The following IGSF8 variants were observed in gnomAD, a reference collection of about 807,000 sequenced individuals.
IGSF8 encodes immunoglobulin superfamily member 8.
IGSF8 carries 46 observed loss-of-function variants against 55.5 expected under a neutral mutation model. The ratio of observed to expected loss-of-function variants is 0.83; its 90% CI spans 0.65 to 1.06. IGSF8 has a LOEUF of 1.06. IGSF8 is among the 50% of genes least tolerant of loss of function. The pLI, the probability that IGSF8 is intolerant of heterozygous loss-of-function variation, is 0.00. For missense variants in IGSF8, 731 were observed against 832.3 expected (o/e 0.88, Z 1.50); for synonymous variants, 314 against 356.1 (o/e 0.88, Z 1.33).
intron 1 of IGSF8, among the ~76,000 whole-genome samples, chr1:160,097,485 G>A (rs1405576254): frequency 6.6e-6 from 1 of 152,116 alleles, no homozygotes; most frequent in Non-Finnish European, 1.5e-5. Flanking sequence ...CTGCCTTGAC[G>A]ACAGCAGCTC....
At chr1:160,092,011 C>T in intron 5 of IGSF8, 73 bp from the exon 6 acceptor site, 1 of 1,103,614 alleles carries the variant, frequency 9.1e-7, no homozygotes, top group East Asian at 2.4e-5. Context: ...CTGCGCTTTC[C>T]CCATCAAGTT....
In IGSF8 at chr1:160,098,492, G is replaced by A; in HGVS notation, c.-20C>T. 6.5e-7 allele frequency: 1 copy of A among 1,527,052 alleles called. No homozygotes were observed. Among genetic ancestry groups the A allele is most frequent in the South Asian group, 1.2e-5 (1 of 83,190 alleles). The allele number at this position is 1,527,052 out of a possible 1,614,324, so 94.6% of individuals were successfully genotyped here. A position where few individuals can be genotyped will look rare whatever the true frequency, so the allele number is the denominator to read the frequency against. On this transcript the variant is annotated 5_prime_UTR_variant, in exon 1 of 7. Coordinates refer to ENST00000314485, the MANE Select transcript of IGSF8 (RefSeq NM_052868.6). Reference sequence around the variant, plus strand: ...GCCCATCCTGCGCGGCCAGCTCTGGGGAGGCTCCGGGGGATGGCGCGGGTT... The same window carrying A: ...GCCCATCCTGCGCGGCCAGCTCTGGAGAGGCTCCGGGGGATGGCGCGGGTT...
chr1:160,092,460 AG>A lies in IGSF8; in HGVS notation c.1547del (p.Pro516LeufsTer4). 1 of 1,613,062 alleles carries A rather than the reference AG, an allele frequency of 6.2e-7. No homozygotes were observed. The highest frequency in any genetic ancestry group is 8.5e-7 in the Non-Finnish European group (1 of 1,179,474). ...AELGVRPGGG[P>X]VSVELVGPRS... ...GGGGCCCCACCAGCTCTACGCTGACAGGGCCTCCTCCAGGCCGGACTCCCAG... is the reference window on the plus strand; with the variant it reads ...GGGGCCCCACCAGCTCTACGCTGACAGGCCTCCTCCAGGCCGGACTCCCAG... On this transcript the variant is annotated frameshift_variant, in exon 5 of 7. Coordinates refer to ENST00000314485, the MANE Select transcript of IGSF8 (RefSeq NM_052868.6). LOFTEE classifies it high-confidence loss of function.
chr1:160,092,993 A>G lies in IGSF8; in HGVS notation c.1243T>C (p.Ser415Pro), dbSNP rs1316417782. ...GCTGCTTCACGAAGCCGGGTCCCAG[A>G]CCCTCGAACATAGGCTTTGGCGAGG... ...RCLAKAYVRG[S>P]GTRLREAASA... Residue 415 changes from serine (S) to proline (P), a missense_variant, in exon 4 of 7, where the codon TCT becomes CCT. By Grantham distance (74) the Ser-to-Pro change is moderately conservative (BLOSUM62 -1). Transcript: ENST00000314485. 4.0e-5 allele frequency: 64 copies of G among 1,613,624 alleles called. No homozygotes were observed. The highest frequency in any genetic ancestry group is 5.0e-5 in the Non-Finnish European group (59 of 1,179,700).
intron 1 of IGSF8, among the ~76,000 whole-genome samples, chr1:160,095,960 G>C (rs1352950477): frequency 6.6e-6 from 1 of 152,228 alleles, no homozygotes; most frequent in African/African-American, 2.4e-5. Flanking sequence ...TTCCGGGCTA[G>C]CCCAGCAGAT....
chr1:160,091,757 TG>T (rs1369305571), intron 6 of IGSF8, 50 bp downstream of exon 6: 2 of 1,174,886 alleles, frequency 1.7e-6, no homozygotes, highest in Non-Finnish European at 2.6e-6. Flanking sequence ...GTTCAGGACT[TG>T]GGGGTGGGAA....
At position 160,094,096 on chromosome 1, in the gene IGSF8, C is replaced by A. The variant is rs375434609; in HGVS notation, c.518G>T (p.Arg173Leu). ...RGRQAPTSPP[R>L]MTVHEGQELA... ...CTCCTGCCCCTCATGCACCGTCATG[C>A]GTGGGGGTGAGGTTGGGGCCTGGCG... Residue 173 changes from arginine (R) to leucine (L), a missense_variant, in exon 3 of 7, where the codon CGC becomes CTC. Coordinates refer to ENST00000314485, the MANE Select transcript of IGSF8 (RefSeq NM_052868.6). This position sits in a 1 kb window ranked among gnomAD's most constrained non-coding sequence, Gnocchi z 4.0. The A allele has an allele frequency of 1.8e-5, 29 of 1,611,784 alleles. No homozygotes were observed. The highest frequency in any genetic ancestry group is 2.3e-5 in the Non-Finnish European group (27 of 1,179,992).
chr1:160,092,890 C>T lies in IGSF8; in HGVS notation c.1312+34G>A, dbSNP rs762342608. On this transcript the variant is annotated intron_variant, in intron 4 of 6. Transcript: ENST00000314485. The stretch of plus-strand genomic sequence containing the variant: ...ACAGAAGGAAAAGGGGTTGACAATC[C>T]TCGAACCCCGTCCAGGGCCCAGCCC... The T allele has an allele frequency of 5.8e-6, 9 of 1,564,810 alleles. No homozygotes were observed. The Admixed American group carries it at 1.6e-4, about 28-fold the overall frequency.
chr1:160,097,036 G>A (rs553090048), intron 1 of IGSF8, among the ~76,000 whole-genome samples: 31 of 152,238 alleles, frequency 2.0e-4, no homozygotes, highest in African/African-American at 6.3e-4. Flanking sequence ...TGTATCAGTC[G>A]CAGCAAGGAA....
At position 160,092,505 on chromosome 1, in the gene IGSF8, G is replaced by A; in HGVS notation, c.1503C>T (p.Gly501=). The change falls in exon 5 of 7, where the codon GGC becomes GGT. Residue 501 remains glycine (G), a synonymous_variant. Transcript: ENST00000314485. ...SVPAQLVGGV[G]QDGVAELGVR... ...CTCCCAGCTCTGCCACACCATCCTG[G>A]CCTACGCCACCCACCAGCTGGGCAG... 1 of 1,613,450 alleles carries A rather than the reference G, an allele frequency of 6.2e-7. No individual in the cohort carries two copies. The highest frequency in any genetic ancestry group is 8.5e-7 in the Non-Finnish European group (1 of 1,179,850).
In IGSF8 at chr1:160,092,403, C is replaced by A. The variant is rs1444622638; in HGVS notation, c.1605G>T (p.Gly535=). Reference sequence around the variant, plus strand: ...AGTGGTACACGCCTTCATCCTCGGGCCCCAAGCTGTGTAGTCTCAGCCGAT... The same window carrying A: ...AGTGGTACACGCCTTCATCCTCGGGACCCAAGCTGTGTAGTCTCAGCCGAT... The part of the protein sequence containing the change: ...RSHRLRLHSL[G]PEDEGVYHCA... The change falls in exon 5 of 7, where the codon GGG becomes GGT. Residue 535 remains glycine, a synonymous_variant. Coordinates refer to ENST00000314485, the MANE Select transcript of IGSF8 (RefSeq NM_052868.6). 15 of 1,609,630 alleles carry A rather than the reference C, an allele frequency of 9.3e-6. No homozygotes were observed. The highest frequency in any genetic ancestry group is 1.3e-5 in the Non-Finnish European group (15 of 1,176,498).
At chr1:160,098,349 G>A (rs370296642) in intron 1 of IGSF8, 60 bp downstream of exon 1, 71 of 1,546,038 alleles carry the variant, frequency 4.6e-5, no homozygotes, top group South Asian at 3.6e-5. Context: ...TGCTAGGGGG[G>A]TGCTGGATGG....
rs139514193 is a variant in IGSF8 at position 160,093,763 on chromosome 1, G to A, written c.851C>T (p.Ala284Val). 1 of 1,613,756 alleles carries A rather than the reference G, an allele frequency of 6.2e-7. No homozygotes were observed. Among genetic ancestry groups the A allele is most frequent in the Non-Finnish European group, 8.5e-7 (1 of 1,179,824 alleles). The change falls in exon 3 of 7, where the codon GCC (alanine) becomes GTC (valine). Residue 284 changes from alanine (A) to valine (V), a missense_variant. Coordinates refer to ENST00000314485, the MANE Select transcript of IGSF8 (RefSeq NM_052868.6). Reference protein sequence around the residue: ...EWIQDPDGSWAQIAEKRAVLA... With the variant: ...EWIQDPDGSWVQIAEKRAVLA... The stretch of plus-strand genomic sequence containing the variant: ...GACGGCCCTTTTCTCTGCAATCTGG[G>A]CCCAGCTGCCATCAGGATCCTGAAT...
intron 5 of IGSF8, 43 bp from the exon 6 acceptor site, chr1:160,091,981 C>T: frequency 2.2e-6 from 3 of 1,346,154 alleles, no homozygotes; most frequent in South Asian, 1.2e-5. Context: ...TGCCATCATC[C>T]TCCACCCATA....
At chr1:160,095,307 C>T in intron 1 of IGSF8, 61 bp from the exon 2 acceptor site, 1 of 1,482,382 alleles carries the variant, frequency 6.7e-7, no homozygotes, top group East Asian at 2.3e-5. Context: ...CCCTCTGCCG[C>T]CACAAGCACC....
At chr1:160,095,478 A>C in intron 1 of IGSF8, 1 of 579,436 alleles carries the variant, frequency 1.7e-6, no homozygotes, top group Non-Finnish European at 3.1e-6. Context: ...GATGCATCCC[A>C]TTTCTGGCGG....
Position 160,093,595 on chromosome 1 carries a change from G to A in IGSF8, c.904+115C>T, listed in dbSNP as rs114545919. ...TGCTAGCAAGGCTGCTCACTCTGTGGAAGATGAGTTCCTTGGAGTCAGATG... is the reference window on the plus strand; with the variant it reads ...TGCTAGCAAGGCTGCTCACTCTGTGAAAGATGAGTTCCTTGGAGTCAGATG... On this transcript the variant is annotated intron_variant, in intron 3 of 6. Coordinates refer to ENST00000314485, the MANE Select transcript of IGSF8 (RefSeq NM_052868.6). 1.1e-3 allele frequency: 963 copies of A among 905,120 alleles called. 11 individuals are homozygous for A. In the African/African-American group the frequency reaches 0.015, roughly 14 times the overall value. The allele number at this position is 905,120 out of a possible 1,614,324, so 56.1% of individuals were successfully genotyped here. A position where few individuals can be genotyped will look rare whatever the true frequency, so the allele number is the denominator to read the frequency against.
At chr1:160,096,790 G>A (rs1341869512) in intron 1 of IGSF8, among the ~76,000 whole-genome samples, 1 of 152,216 alleles carries the variant, frequency 6.6e-6, no homozygotes, top group Non-Finnish European at 1.5e-5. Context: ...CTGACCATGT[G>A]TGAGTGCGTA....
intron 1 of IGSF8, chr1:160,097,665 T>C (rs934178352): frequency 5.1e-6 from 5 of 984,902 alleles, no homozygotes; most frequent in Non-Finnish European, 6.0e-6. Flanking sequence ...ATTATCCCCA[T>C]GCATCCATGC....
Sources: gnomAD v4.1 joint callset for allele counts (sites outside exome capture counted in the v4.1 genomes callset) on GRCh38, gnomAD v4.1.1 for gene constraint, Gnocchi (gnomAD v3.1) non-coding constraint, MANE v1.5 for transcripts, NCBI Gene and HGNC (gene_info 2026-07-23, HGNC 2026-07-21) for gene names.